RFPL2: variants seen among roughly 807,000 people sequenced by gnomAD.
RFPL2 encodes ret finger protein-like 2.
RFPL2 carries 13 observed loss-of-function variants against 17.8 expected under a neutral mutation model. That is an observed-to-expected ratio of 0.73 (90% CI 0.47 to 1.16). The LOEUF is 1.16. Among genes scored for constraint, RFPL2 ranks in the 50% most tolerant of loss-of-function variants. The probability of loss-of-function intolerance (pLI) is 0.00; values close to 1 mark genes in which losing one functional copy is unlikely to be tolerated. For synonymous variants in RFPL2, 189 were observed against 180.9 expected (o/e 1.04, Z -0.36); for missense variants, 431 against 479.3 (o/e 0.90, Z 0.94).
rs745928804 is a variant in RFPL2 at position 32,193,077 on chromosome 22, T to C, written c.381A>G (p.Ser127=). Residue 127 remains serine, a synonymous_variant, in exon 4 of 5, where the codon TCA becomes TCG. Coordinates refer to ENST00000652607, the MANE Select transcript of RFPL2 (RefSeq NM_001394555.1). The stretch of plus-strand genomic sequence containing the variant: ...CCTCCCCATGGGGCTCCTTCTGCAG[T>C]GAATTAATGCACTTGAGGCAGACGG... ...GCAVCLKCIN[S]LQKEPHGEDL... 1.8e-5 allele frequency: 29 copies of C among 1,613,772 alleles called. No homozygotes were observed. Among genetic ancestry groups the C allele is most frequent in the Admixed American group, 1.3e-4 (8 of 59,986 alleles).
chr22:32,200,560 C>T (rs1343781254), intron 2 of RFPL2, among the ~76,000 whole-genome samples: 1 of 152,006 alleles, frequency 6.6e-6, no homozygotes, highest in Admixed American at 6.5e-5. Flanking sequence ...GAACACCTCT[C>T]TCTCCATTCT....
At chr22:32,202,712 G>A in intron 1 of RFPL2, 162 bp from the exon 2 acceptor site, 1 of 1,266,048 alleles carries the variant, frequency 7.9e-7, no homozygotes. Flanking sequence ...AGTGGGGACT[G>A]CAGACACCAC....
At position 32,191,064 on chromosome 22, in the gene RFPL2, C is replaced by G. The variant is rs1922563298; in HGVS notation, c.845G>C (p.Arg282Thr). ...GGTGGCAGAGAGGCGGCCTCCATCC[C>G]TCAAACTCACAGTCCAGAATCCAAG... ...TELGFWTVSL[R>T]DGGRLSATTV... The change falls in exon 5 of 5, where the codon AGG becomes ACG. Residue 282 changes from arginine to threonine, a missense_variant. Coordinates refer to ENST00000652607, the MANE Select transcript of RFPL2 (RefSeq NM_001394555.1). The G allele has an allele frequency of 1.2e-6, 2 of 1,613,976 alleles. No homozygotes were observed. Among genetic ancestry groups the G allele is most frequent in the African/African-American group, 2.7e-5 (2 of 75,038 alleles).
In RFPL2 at chr22:32,190,574, G is replaced by A; in HGVS notation, c.*198C>T. The A allele has an allele frequency of 4.2e-6, 2 of 472,878 alleles. No individual in the cohort carries two copies. The highest frequency in any genetic ancestry group is 3.3e-5 in the East Asian group (1 of 30,102). The allele number at this position is 472,878 out of a possible 1,614,324, so 29.3% of individuals were successfully genotyped here. ...ATAGGAAACAAGATGTGAACCATAGGACTCAATGAGTTTGATGGTGGCAAT... is the reference window on the plus strand; with the variant it reads ...ATAGGAAACAAGATGTGAACCATAGAACTCAATGAGTTTGATGGTGGCAAT... On this transcript the variant is annotated 3_prime_UTR_variant, in exon 5 of 5. Transcript: ENST00000652607.
At chr22:32,192,788 T>G (rs946355399) in intron 4 of RFPL2, 114 bp downstream of exon 4, 8 of 1,406,614 alleles carry the variant, frequency 5.7e-6, no homozygotes, top group Non-Finnish European at 7.7e-6. Context: ...ATGAAGCATC[T>G]CAATTTTAGG....
At chr22:32,204,601 C>T (rs1380140047) in intron 1 of RFPL2, among the ~76,000 whole-genome samples, 106 bp downstream of exon 1, 1 of 152,252 alleles carries the variant, frequency 6.6e-6, no homozygotes, top group Admixed American at 6.5e-5. Context: ...TTTCTACATT[C>T]TGGCTGCGGT....
rs747999796 is a variant in RFPL2, at chr22:32,193,357, C to A, written c.266-165G>T. ...CACTCAAGCACATCCCCCCACCCCC[C>A]GTCTTCAGAGATTTGAAGTTCTATT... On this transcript the variant is annotated intron_variant, in intron 3 of 4. Coordinates refer to ENST00000652607, the MANE Select transcript of RFPL2 (RefSeq NM_001394555.1). 35 of 1,557,376 alleles carry A rather than the reference C, an allele frequency of 2.2e-5. No homozygotes were observed. The Middle Eastern group carries it at 2.8e-3, about 123-fold the overall frequency.
At chr22:32,203,135 A>C in intron 1 of RFPL2, 1 of 965,070 alleles carries the variant, frequency 1.0e-6, no homozygotes, top group Non-Finnish European at 1.2e-6. Flanking sequence ...GGCGCCCCTA[A>C]CTCATCCGTG....
chr22:32,192,403 C>T (rs775816112), intron 4 of RFPL2, among the ~76,000 whole-genome samples: 1 of 152,238 alleles, frequency 6.6e-6, no homozygotes, highest in Non-Finnish European at 1.5e-5. Flanking sequence ...CAGAAACAAA[C>T]ACCATAGGTG....
chr22:32,192,061 T>C (rs1922716345), intron 4 of RFPL2, among the ~76,000 whole-genome samples: 2 of 152,112 alleles, frequency 1.3e-5, no homozygotes, highest in African/African-American at 2.4e-5. Context: ...TGAATGGACA[T>C]GGATAAGGAA....
rs1350973444 is a variant in RFPL2, at chr22:32,193,188, G to T, written c.270C>A (p.Asp90Glu). 6.2e-7 allele frequency: 1 copy of T among 1,613,984 alleles called. No individual in the cohort carries two copies. Among genetic ancestry groups the T allele is most frequent in the South Asian group, 1.1e-5 (1 of 91,078 alleles). ...TTGCTTCTTGGAAGAGTGCAGCCAT[G>T]TCCACTGCCAGGGGAAAAGTACACA... ...EDRGASSRRV[D>E]MAALFQEASS... is the part of the protein sequence containing the mutation. Residue 90 changes from aspartate to glutamate, a missense_variant, in exon 4 of 5, where the codon GAC (aspartate) becomes GAA (glutamate). Physicochemically the swap from Asp to Glu is conservative, Grantham distance 45. Transcript: ENST00000652607.
intron 2 of RFPL2, among the ~76,000 whole-genome samples, chr22:32,196,099 T>C (rs1274621648): frequency 1.3e-5 from 2 of 152,178 alleles, no homozygotes; most frequent in African/African-American, 4.8e-5. Flanking sequence ...ACCTCCCATA[T>C]AGGAGTGAGA....
Position 32,193,614 on chromosome 22 carries a change from T to C in RFPL2, c.266-422A>G, listed in dbSNP as rs146123004. Reference sequence around the variant, plus strand: ...CGATGGCTCATGCCTGTCCAGCACTTTGGGAGGCCAAGGTGGGTGGATCAT... The same window carrying C: ...CGATGGCTCATGCCTGTCCAGCACTCTGGGAGGCCAAGGTGGGTGGATCAT... On this transcript the variant is annotated intron_variant, in intron 3 of 4. Coordinates refer to ENST00000652607, the MANE Select transcript of RFPL2 (RefSeq NM_001394555.1). 84 of 647,158 alleles carry C rather than the reference T, an allele frequency of 1.3e-4. No individual in the cohort carries two copies. In the East Asian group the frequency reaches 5.8e-3, roughly 44 times the overall value. 40.1% of individuals were successfully genotyped at this position (647,158 alleles called of 1,614,324 possible). A position where few individuals can be genotyped will look rare whatever the true frequency, so the allele number is the denominator to read the frequency against.
intron 2 of RFPL2, among the ~76,000 whole-genome samples, chr22:32,198,337 C>T (rs1199844452): frequency 6.6e-6 from 1 of 152,136 alleles, no homozygotes. Context: ...CTCTGCATTT[C>T]CAGATGTCCT....
intron 2 of RFPL2, among the ~76,000 whole-genome samples, chr22:32,201,356 T>C (rs147313042): frequency 6.0e-4 from 91 of 152,298 alleles, no homozygotes; most frequent in African/African-American, 2.1e-3. Context: ...CTTATTTCTA[T>C]GAGAATATGC....
rs1202691642 is a variant in RFPL2, at chr22:32,190,676, T to C, written c.*96A>G. On this transcript the variant is annotated 3_prime_UTR_variant, in exon 5 of 5. Coordinates refer to ENST00000652607, the MANE Select transcript of RFPL2 (RefSeq NM_001394555.1). ...AGAAATGTCCCATATTTTTCTCCCG[T>C]GACTTTGTATAATGCTTTTACGAAG... 3.0e-5 allele frequency: 38 copies of C among 1,266,676 alleles called. 1 individual carries two copies. The highest frequency in any genetic ancestry group is 3.8e-5 in the Non-Finnish European group (35 of 926,114). 78.5% of individuals were successfully genotyped at this position (1,266,676 alleles called of 1,614,324 possible). A position where few individuals can be genotyped will look rare whatever the true frequency, so the allele number is the denominator to read the frequency against.
intron 2 of RFPL2, chr22:32,200,382 CCT>C: frequency 1.1e-5 from 2 of 183,966 alleles, no homozygotes; most frequent in Non-Finnish European, 2.3e-5. Flanking sequence ...AATCCTGCTC[CCT>C]CTCTTCATTT....
intron 4 of RFPL2, among the ~76,000 whole-genome samples, chr22:32,191,962 A>G (rs1457828642): frequency 3.3e-5 from 5 of 152,230 alleles, no homozygotes; most frequent in Non-Finnish European, 7.3e-5. Flanking sequence ...CAAGTCAAAA[A>G]ACTGATATGA....
Position 32,203,142 on chromosome 22 carries a change from C to T in RFPL2, c.-99-592G>A, listed in dbSNP as rs531508059. On this transcript the variant is annotated intron_variant, in intron 1 of 4. Coordinates refer to ENST00000652607, the MANE Select transcript of RFPL2 (RefSeq NM_001394555.1). ...TCCCAGATGGCGCCCCTAACTCATC[C>T]GTGCCTAGTACATGCAGCACCCAAT... 2.0e-5 allele frequency: 19 copies of T among 956,196 alleles called. No homozygotes were observed. In the African/African-American group the frequency reaches 3.4e-4, roughly 17 times the overall value. 59.2% of individuals were successfully genotyped at this position (956,196 alleles called of 1,614,324 possible).
Sources: gnomAD v4.1 joint callset for allele counts (sites outside exome capture counted in the v4.1 genomes callset) on GRCh38, gnomAD v4.1.1 for gene constraint, MANE v1.5 for transcripts, NCBI Gene and HGNC (gene_info 2026-07-23, HGNC 2026-07-21) for gene names.